The following SH3KBP1 variants were observed in gnomAD, a reference collection of about 807,000 sequenced individuals.
SH3KBP1 encodes SH3 domain-containing kinase-binding protein 1.
In SH3KBP1, 8 loss-of-function variants were observed where a neutral mutation model predicts 50.1. The observed-to-expected ratio is 0.16, with a 90% CI of 0.09 to 0.29. The LOEUF is 0.29. SH3KBP1 is among the 10% of genes least tolerant of loss of function. The pLI, the probability that SH3KBP1 is intolerant of heterozygous loss-of-function variation, is 1.00. For synonymous variants in SH3KBP1, 227 were observed against 218.6 expected, an observed-to-expected ratio of 1.04 and a Z score of -0.34; for missense variants, 377 against 535.2, an observed-to-expected ratio of 0.70 and a Z score of 2.92.
chrX:19,793,653 C>T (rs929325232), intron 2 of SH3KBP1, among the ~76,000 whole-genome samples: 17 of 111,766 alleles, frequency 1.5e-4, no homozygotes, highest in Non-Finnish European at 3.2e-4. Flanking sequence ...AATGAACACA[C>T]ACTTAGGGTT....
intron 3 of SH3KBP1, among the ~76,000 whole-genome samples, chrX:19,730,171 T>C (rs189001850): frequency 1.8e-5 from 2 of 111,323 alleles, no homozygotes; most frequent in African/African-American, 6.5e-5. Flanking sequence ...AGGTCAAATA[T>C]AAAACAACTG....
At chrX:19,630,799 A>T (rs757713859) in intron 8 of SH3KBP1, among the ~76,000 whole-genome samples, 1 of 111,930 alleles carries the variant, frequency 8.9e-6, no homozygotes, top group South Asian at 3.7e-4. Context: ...TAAAACACAC[A>T]ATCTCTAAAG....
chrX:19,544,804 CACA>C (rs1182877810), intron 15 of SH3KBP1, among the ~76,000 whole-genome samples: 5 of 111,885 alleles, frequency 4.5e-5, no homozygotes, highest in Admixed American at 9.5e-5. Flanking sequence ...CACTGAAGAG[CACA>C]ACATGACAAC....
At chrX:19,868,175 T>C (rs1286122006) in intron 1 of SH3KBP1, among the ~76,000 whole-genome samples, 2 of 112,074 alleles carry the variant, frequency 1.8e-5, no homozygotes, top group Non-Finnish European at 3.8e-5. Context: ...TATTGTTTAT[T>C]TGTAACACAT....
intron 13 of SH3KBP1, among the ~76,000 whole-genome samples, chrX:19,559,165 T>C (rs1487246025): frequency 1.0e-5 from 1 of 96,269 alleles, no homozygotes; most frequent in Non-Finnish European, 2.0e-5. Flanking sequence ...CCAGCTACTC[T>C]GGAGGCTGAG....
At position 19,643,314 on chromosome X, in the gene SH3KBP1, TTTTTTTTA is replaced by T. The variant is rs1569373347; in HGVS notation, c.802+2078_802+2085del. Among the ~76,000 whole-genome samples, 32 of 86,553 alleles carry T rather than the reference TTTTTTTTA, an allele frequency of 3.7e-4. 2 individuals are homozygous for T. The highest frequency in any genetic ancestry group is 1.9e-3 in the South Asian group (4 of 2,098). 75.2% of individuals were successfully genotyped at this position (86,553 alleles called of 115,157 possible). A position where few individuals can be genotyped will look rare whatever the true frequency, so the allele number is the denominator to read the frequency against. ...GAAACTGAAGAATTTTTTATTTTTT[TTTTTTTTA>T]TTTTTTTTTTTTTTTGAGACAGGGT... On this transcript the variant is annotated intron_variant, in intron 7 of 17. Coordinates refer to ENST00000397821, the MANE Select transcript of SH3KBP1 (RefSeq NM_031892.3).
chrX:19,820,609 G>A (rs2067497346), intron 2 of SH3KBP1, among the ~76,000 whole-genome samples: 1 of 108,732 alleles, frequency 9.2e-6, no homozygotes, highest in South Asian at 3.9e-4. Flanking sequence ...TTTGAAGTGA[G>A]TTTCTTACAA....
At chrX:19,654,153 T>G (rs1184419344) in intron 6 of SH3KBP1, among the ~76,000 whole-genome samples, 1 of 111,690 alleles carries the variant, frequency 9.0e-6, no homozygotes. Flanking sequence ...CAGTAGAATT[T>G]GAGCCAAATT....
intron 4 of SH3KBP1, among the ~76,000 whole-genome samples, chrX:19,701,657 T>C (rs2063538402): frequency 8.9e-6 from 1 of 112,068 alleles, no homozygotes; most frequent in Non-Finnish European, 1.9e-5. Context: ...ACTCCTATTT[T>C]TAAATTCCTC....
At chrX:19,629,356 T>G (rs762906523) in intron 8 of SH3KBP1, among the ~76,000 whole-genome samples, 1 of 109,978 alleles carries the variant, frequency 9.1e-6, no homozygotes, top group African/African-American at 3.3e-5. Flanking sequence ...TACTAAAGAT[T>G]TTGATTGGTG....
At chrX:19,784,853 C>T (rs2066288119) in intron 2 of SH3KBP1, among the ~76,000 whole-genome samples, 1 of 111,360 alleles carries the variant, frequency 9.0e-6, no homozygotes, top group African/African-American at 3.3e-5. Flanking sequence ...AAGCGATCTG[C>T]TCACCTCGGC....
intron 3 of SH3KBP1, among the ~76,000 whole-genome samples, chrX:19,718,139 T>TAC (rs35514461): frequency 0.08 from 7,287 of 90,940 alleles, 348 homozygotes; most frequent in East Asian, 0.21. Context: ...ATTTTATAAA[T>TAC]ACACACACAC....
At chrX:19,734,666 C>T (rs181709936) in intron 3 of SH3KBP1, among the ~76,000 whole-genome samples, 26 of 112,061 alleles carry the variant, frequency 2.3e-4, no homozygotes, top group African/African-American at 6.8e-4. Context: ...AGAAACTTCA[C>T]GCCCACCAAA....
intron 5 of SH3KBP1, among the ~76,000 whole-genome samples, chrX:19,694,247 A>G (rs1410112250): frequency 1.8e-5 from 2 of 112,238 alleles, no homozygotes; most frequent in African/African-American, 3.2e-5. Context: ...TTATTATGGG[A>G]TCTAATTACC....
chrX:19,579,928 G>A (rs183406065), intron 12 of SH3KBP1, among the ~76,000 whole-genome samples: 19 of 111,777 alleles, frequency 1.7e-4, no homozygotes, highest in Admixed American at 7.6e-4. Context: ...CCCCATGGAG[G>A]TCACAGATTT....
chrX:19,865,317 T>A (rs2068876669), intron 1 of SH3KBP1, among the ~76,000 whole-genome samples: 1 of 112,267 alleles, frequency 8.9e-6, no homozygotes, highest in South Asian at 3.7e-4. Flanking sequence ...CTTCTGGTTG[T>A]TTGGCTGGTG....
intron 2 of SH3KBP1, among the ~76,000 whole-genome samples, chrX:19,767,417 T>C (rs1401501275): frequency 8.9e-6 from 1 of 112,811 alleles, no homozygotes; most frequent in Admixed American, 9.4e-5. Flanking sequence ...GGTGATTTTC[T>C]TTATTTATAA....
chrX:19,836,124 C>T lies in SH3KBP1; in HGVS notation c.162+1G>A. 1 of 1,210,248 alleles carries T rather than the reference C, an allele frequency of 8.3e-7. No homozygotes were observed. Among genetic ancestry groups the T allele is most frequent in the Non-Finnish European group, 1.1e-6 (1 of 894,573 alleles). On this transcript the variant is annotated splice_donor_variant, in intron 2 of 17. Transcript: ENST00000397821. LOFTEE classifies it high-confidence loss of function. ...GGAAAAGGGTTTTGCTTTGTACTCA[C>T]TCTTACAAAGTTGTCAGGGAACAAA...
At chrX:19,674,261 A>G (rs927415144) in intron 6 of SH3KBP1, among the ~76,000 whole-genome samples, 1 of 111,350 alleles carries the variant, frequency 9.0e-6, no homozygotes, top group Non-Finnish European at 1.9e-5. Flanking sequence ...CACCCCAAAT[A>G]AATAACCTGT....
Sources: allele counts gnomAD v4.1 joint callset (sites outside exome capture counted in the v4.1 genomes callset), GRCh38; gene constraint gnomAD v4.1.1; transcripts MANE v1.5; gene names NCBI Gene and HGNC (gene_info 2026-07-23, HGNC 2026-07-21).